LY86: variants seen among roughly 807,000 people sequenced by gnomAD.
The protein encoded by LY86 is lymphocyte antigen 86.
Under a neutral mutation model 17.3 loss-of-function variants are expected in LY86, and 20 were observed. That is an observed-to-expected ratio of 1.15 (90% CI 0.81 to 1.68). The LOEUF (loss-of-function observed/expected upper bound fraction) is 1.68, where lower values mean the gene tolerates loss of function less well. Among genes scored for constraint, LY86 ranks in the 40% most tolerant of loss-of-function variants. LY86 has a pLI of 0.00. For synonymous variants in LY86, 74 were observed against 70.6 expected, an observed-to-expected ratio of 1.05 and a Z score of -0.24; for missense variants, 200 against 191.9, an observed-to-expected ratio of 1.04 and a Z score of -0.25.
In LY86 at chr6:6,603,655, A is replaced by G. The variant is rs541553524; in HGVS notation, c.136+14785A>G. On this transcript the variant is annotated intron_variant, in intron 1 of 4. Transcript: ENST00000230568. Reference sequence around the variant, plus strand: ...AAAACACACACACACACACACACACAGAGTGGAAAACCAACAGTGAAGTTG... The same window carrying G: ...AAAACACACACACACACACACACACGGAGTGGAAAACCAACAGTGAAGTTG... Among the ~76,000 whole-genome samples the G allele has an allele frequency of 8.5e-3, 1,031 of 121,944 alleles. 16 individuals are homozygous for G. Among genetic ancestry groups the G allele is most frequent in the African/African-American group, 0.025 (951 of 37,396 alleles). 80.0% of individuals were successfully genotyped at this position (121,944 alleles called of 152,430 possible). A position where few individuals can be genotyped will look rare whatever the true frequency, so the allele number is the denominator to read the frequency against.
chr6:6,641,688 G>T (rs1349173484), intron 3 of LY86, among the ~76,000 whole-genome samples: 1 of 152,092 alleles, frequency 6.6e-6, no homozygotes, highest in African/African-American at 2.4e-5. Flanking sequence ...CAGCAGCCAG[G>T]TGGCTAGGGC....
At chr6:6,640,403 A>T (rs1449708909) in intron 3 of LY86, among the ~76,000 whole-genome samples, 3 of 150,152 alleles carry the variant, frequency 2.0e-5, no homozygotes, top group Non-Finnish European at 4.4e-5. Flanking sequence ...GGAAAAAAAT[A>T]AAAATAAAAA....
At chr6:6,604,849 A>AT (rs397950740) in intron 1 of LY86, among the ~76,000 whole-genome samples, 1 of 151,606 alleles carries the variant, frequency 6.6e-6, no homozygotes, top group Non-Finnish European at 1.5e-5. Context: ...AAAAAAAAAA[A>AT]TGGTAAAAGT....
chr6:6,648,744 G>A (rs954153880), intron 3 of LY86, among the ~76,000 whole-genome samples: 6 of 150,422 alleles, frequency 4.0e-5, no homozygotes, highest in African/African-American at 1.5e-4. Flanking sequence ...TACTGTTATT[G>A]TCATTATCTT....
intron 1 of LY86, among the ~76,000 whole-genome samples, chr6:6,605,924 G>C (rs529513552): frequency 2.0e-5 from 3 of 152,214 alleles, no homozygotes; most frequent in African/African-American, 4.8e-5. Context: ...TGAAGCTGCA[G>C]ACCTTCACAG....
At chr6:6,606,163 T>G (rs541072144) in intron 1 of LY86, among the ~76,000 whole-genome samples, 3 of 152,140 alleles carry the variant, frequency 2.0e-5, no homozygotes, top group Non-Finnish European at 4.4e-5. Flanking sequence ...GGGCACTGAT[T>G]GGTGCGTTTA....
intron 1 of LY86, among the ~76,000 whole-genome samples, chr6:6,599,517 G>A (rs1247400223): frequency 6.6e-6 from 1 of 152,168 alleles, no homozygotes; most frequent in Non-Finnish European, 1.5e-5. Context: ...TCAGCTTGAT[G>A]TCCTGTGAGG....
intron 1 of LY86, among the ~76,000 whole-genome samples, chr6:6,611,965 T>C (rs1157980633): frequency 7.0e-6 from 1 of 142,174 alleles, no homozygotes; most frequent in Non-Finnish European, 1.5e-5. Flanking sequence ...AGCAATCTAC[T>C]TGAAAGGATA....
chr6:6,647,756 GGTCCT>G (rs1180155039), intron 3 of LY86, among the ~76,000 whole-genome samples: 2 of 152,172 alleles, frequency 1.3e-5, no homozygotes, highest in African/African-American at 4.8e-5. Flanking sequence ...GGCCTCAGGA[GGTCCT>G]GTCCTCTCCT....
chr6:6,599,467 G>A (rs1274607950), intron 1 of LY86, among the ~76,000 whole-genome samples: 1 of 152,214 alleles, frequency 6.6e-6, no homozygotes, highest in Non-Finnish European at 1.5e-5. Context: ...AGGGAAGCAT[G>A]CCCCAGTGTG....
chr6:6,650,554 C>T (rs1210242026), intron 4 of LY86, among the ~76,000 whole-genome samples: 1 of 152,062 alleles, frequency 6.6e-6, no homozygotes, highest in Non-Finnish European at 1.5e-5. Flanking sequence ...AGGTTGGTCT[C>T]GAACTCCTGA....
At chr6:6,648,223 C>T (rs1014541868) in intron 3 of LY86, among the ~76,000 whole-genome samples, 6 of 152,172 alleles carry the variant, frequency 3.9e-5, no homozygotes, top group African/African-American at 1.4e-4. Context: ...AGCCTTCACA[C>T]TTGGCCTCTC....
chr6:6,597,070 C>A (rs375447599), intron 1 of LY86, among the ~76,000 whole-genome samples: 11 of 152,324 alleles, frequency 7.2e-5, no homozygotes, highest in East Asian at 5.8e-4. Flanking sequence ...GGGCTGTCCT[C>A]CAGCCCAGCA....
intron 1 of LY86, among the ~76,000 whole-genome samples, chr6:6,589,207 T>G (rs1025780792): frequency 3.9e-5 from 6 of 152,148 alleles, no homozygotes; most frequent in Admixed American, 2.6e-4. Flanking sequence ...AGCTGAAAAT[T>G]AGGAAAAGCA....
intron 1 of LY86, among the ~76,000 whole-genome samples, chr6:6,615,090 C>T (rs1278477922): frequency 3.3e-5 from 5 of 152,172 alleles, no homozygotes; most frequent in African/African-American, 1.2e-4. Context: ...GACGTAGGAT[C>T]TCACGTTTAA....
chr6:6,617,534 G>A (rs575301042), intron 1 of LY86, among the ~76,000 whole-genome samples: 1 of 152,310 alleles, frequency 6.6e-6, no homozygotes, highest in South Asian at 2.1e-4. Context: ...ATTCAGTAGT[G>A]TGTTATCATA....
intron 3 of LY86, among the ~76,000 whole-genome samples, chr6:6,637,801 C>A (rs1190256434): frequency 6.6e-6 from 1 of 152,164 alleles, no homozygotes; most frequent in Non-Finnish European, 1.5e-5. Context: ...TTCTGAGGAT[C>A]AAGTCAATTT....
At position 6,602,454 on chromosome 6, in the gene LY86, A is replaced by G. The variant is rs114283779; in HGVS notation, c.136+13584A>G. 5.7e-3 allele frequency among the ~76,000 whole-genome samples: 875 copies of G among 152,388 alleles called. 5 individuals are homozygous for G. The highest frequency in any genetic ancestry group is 8.8e-3 in the Non-Finnish European group (600 of 68,036). On this transcript the variant is annotated intron_variant, in intron 1 of 4. Coordinates refer to ENST00000230568, the MANE Select transcript of LY86 (RefSeq NM_004271.4). ...GATGAAACCACATCGGAATTAGTAC[A>G]GTATACATAGTCCATACTCAATGTG...
intron 3 of LY86, among the ~76,000 whole-genome samples, chr6:6,627,015 C>G (rs944658282): frequency 2.6e-5 from 4 of 152,152 alleles, no homozygotes; most frequent in African/African-American, 7.2e-5. Flanking sequence ...CACCTTCCCC[C>G]ACCTGTCCCC....
Sources: allele counts gnomAD v4.1 joint callset (sites outside exome capture counted in the v4.1 genomes callset), GRCh38; gene constraint gnomAD v4.1.1; transcripts MANE v1.5; gene names NCBI Gene and HGNC (gene_info 2026-07-23, HGNC 2026-07-21).